The following EPYC variants were observed in gnomAD, a reference collection of about 807,000 sequenced individuals.
EPYC encodes epiphycan.
A neutral mutation model predicts 30.1 loss-of-function variants in EPYC; 28 were observed. The observed-to-expected ratio is 0.93, with a 90% CI of 0.69 to 1.28. The LOEUF is 1.28. Ranked by LOEUF, EPYC falls within the 50% of genes most tolerant of loss-of-function variation. The probability of loss-of-function intolerance (pLI) is 0.00; values close to 1 mark genes in which losing one functional copy is unlikely to be tolerated. For synonymous variants in EPYC, 144 were observed against 141.4 expected (o/e 1.02, Z -0.13); for missense variants, 382 against 383.5 (o/e 1.00, Z 0.03).
chr12:90,985,378 A>G (rs1565873837), intron 2 of EPYC, among the ~76,000 whole-genome samples: 1 of 152,110 alleles, frequency 6.6e-6, no homozygotes, highest in Non-Finnish European at 1.5e-5. Context: ...AGATAAGTTT[A>G]TTACCCAATC....
intron 2 of EPYC, among the ~76,000 whole-genome samples, chr12:91,000,995 A>T (rs1056802203): frequency 5.9e-5 from 9 of 152,178 alleles, no homozygotes; most frequent in African/African-American, 2.2e-4. Flanking sequence ...AGTGAAATAA[A>T]TCAAACAGTG....
At chr12:90,988,460 G>C (rs73371250) in intron 2 of EPYC, among the ~76,000 whole-genome samples, 2 of 152,106 alleles carry the variant, frequency 1.3e-5, no homozygotes, top group Admixed American at 1.3e-4. Context: ...GAACCATTCA[G>C]TCCAGTAAAG....
intron 2 of EPYC, among the ~76,000 whole-genome samples, chr12:90,994,588 T>C (rs1466853032): frequency 6.6e-6 from 1 of 152,054 alleles, no homozygotes; most frequent in Admixed American, 6.6e-5. Flanking sequence ...CCAAAGCCAA[T>C]AGTTTCTCCC....
At chr12:90,972,090 A>G in intron 4 of EPYC, 88 bp from the exon 5 acceptor site, 3 of 850,688 alleles carry the variant, frequency 3.5e-6, no homozygotes, top group Non-Finnish European at 5.2e-6. Flanking sequence ...TTTTGCAAAT[A>G]TAAATTTAGC....
At chr12:91,001,223 A>G (rs1433342081) in intron 2 of EPYC, among the ~76,000 whole-genome samples, 3 of 152,088 alleles carry the variant, frequency 2.0e-5, no homozygotes, top group Non-Finnish European at 4.4e-5. Context: ...TCATAAGGCA[A>G]CATAAACAAT....
chr12:90,981,444 A>G (rs1042174248), intron 2 of EPYC, among the ~76,000 whole-genome samples: 17 of 152,312 alleles, frequency 1.1e-4, no homozygotes, highest in African/African-American at 4.1e-4. Context: ...ATTATTAAAA[A>G]TATGACAAAA....
At position 91,004,184 on chromosome 12, in the gene EPYC, T is replaced by C. The variant is rs79428848; in HGVS notation, c.-14+763A>G. Among the ~76,000 whole-genome samples, 3 of 152,120 alleles carry C rather than the reference T, an allele frequency of 2.0e-5. No homozygotes were observed. The East Asian group carries it at 5.8e-4, about 29-fold the overall frequency. On this transcript the variant is annotated intron_variant, in intron 1 of 6. Transcript: ENST00000261172. ...AACTTAAAAAAAATTTTTCCTTATA[T>C]GTTTCTGGCAACTTCCATTATTCAA...
chr12:90,970,339 T>G (rs1249778084), intron 5 of EPYC, among the ~76,000 whole-genome samples, 200 bp from the exon 6 acceptor site: 1 of 152,144 alleles, frequency 6.6e-6, no homozygotes, highest in African/African-American at 2.4e-5. Context: ...TTTGGAAAAA[T>G]TGGCTACAAG....
At chr12:90,982,158 A>G (rs1161807437) in intron 2 of EPYC, among the ~76,000 whole-genome samples, 2 of 152,216 alleles carry the variant, frequency 1.3e-5, no homozygotes, top group East Asian at 1.9e-4. Flanking sequence ...TTCGCTCCCT[A>G]TCTGCCATCA....
chr12:90,981,285 A>G (rs1877318157), intron 2 of EPYC, among the ~76,000 whole-genome samples: 2 of 152,046 alleles, frequency 1.3e-5, no homozygotes, highest in Non-Finnish European at 2.9e-5. Flanking sequence ...CCTCAACCCA[A>G]TCTCAGGGTA....
intron 6 of EPYC, 44 bp downstream of exon 6, chr12:90,970,000 C>T (rs1300071438): frequency 5.5e-6 from 8 of 1,449,142 alleles, no homozygotes; most frequent in Admixed American, 5.1e-5. Flanking sequence ...TTTGGCTTTG[C>T]TTTCTCTGAA....
At chr12:90,970,312 A>G (rs576306908) in intron 5 of EPYC, among the ~76,000 whole-genome samples, 173 bp from the exon 6 acceptor site, 2 of 152,318 alleles carry the variant, frequency 1.3e-5, no homozygotes, top group African/African-American at 4.8e-5. Flanking sequence ...CTGAGTTACT[A>G]GACAATTCAG....
At chr12:90,983,636 A>T (rs1284073973) in intron 2 of EPYC, among the ~76,000 whole-genome samples, 1 of 152,088 alleles carries the variant, frequency 6.6e-6, no homozygotes, top group Non-Finnish European at 1.5e-5. Context: ...GAACTCTCAA[A>T]GTCACATCGC....
chr12:90,972,996 A>G lies in EPYC; in HGVS notation c.341-16T>C. ...GTTGGAAAGTCTAAAAGATAAAGGA[A>G]AATAAAATTAAATGTAAGTACCAAA... On this transcript the variant is annotated splice_polypyrimidine_tract_variant and intron_variant, in intron 3 of 6. Transcript: ENST00000261172. 6.6e-7 allele frequency: 1 copy of G among 1,513,096 alleles called. No individual in the cohort carries two copies. The highest frequency in any genetic ancestry group is 9.0e-7 in the Non-Finnish European group (1 of 1,109,006). The allele number at this position is 1,513,096 out of a possible 1,614,324, so 93.7% of individuals were successfully genotyped here.
chr12:90,998,393 A>G lies in EPYC; in HGVS notation c.165+4008T>C, dbSNP rs1877745691. 2.0e-5 allele frequency among the ~76,000 whole-genome samples: 3 copies of G among 152,130 alleles called. No homozygotes were observed. The South Asian group carries it at 6.2e-4, about 31-fold the overall frequency. On this transcript the variant is annotated intron_variant, in intron 2 of 6. Transcript: ENST00000261172. ...ATTGTTGGGTCTAAAACTTGCTTCT[A>G]ATATAGAAAACAATGGATCATAGAT...
rs141797797 is a variant in EPYC, at chr12:91,002,965, G to A, written c.-13-387C>T. Among the ~76,000 whole-genome samples, 644 of 152,168 alleles carry A rather than the reference G, an allele frequency of 4.2e-3. 4 individuals carry two copies. The highest frequency in any genetic ancestry group is 0.014 in the African/African-American group (602 of 41,532). Reference sequence around the variant, plus strand: ...AGATGATAAGGATAATGATGATGACGGTGATGATGACTGCAACTGTCATAC... The same window carrying A: ...AGATGATAAGGATAATGATGATGACAGTGATGATGACTGCAACTGTCATAC... On this transcript the variant is annotated intron_variant, in intron 1 of 6. Coordinates refer to ENST00000261172, the MANE Select transcript of EPYC (RefSeq NM_004950.5).
At position 90,971,959 on chromosome 12, in the gene EPYC, C is replaced by G; in HGVS notation, c.543G>C (p.Glu181Asp). ...RIDLTSNLIS[E>D]IDEDAFRKLP... ...GTTTTCGGAATGCATCTTCATCAAT[C>G]TCAGATATTAAATTTGATGTCAGAT... The change falls in exon 5 of 7, where the codon GAG (glutamate) becomes GAC (aspartate). Residue 181 changes from glutamate to aspartate, a missense_variant. Glu to Asp is a conservative substitution (Grantham distance 45). Coordinates refer to ENST00000261172, the MANE Select transcript of EPYC (RefSeq NM_004950.5). The G allele has an allele frequency of 6.2e-7, 1 of 1,606,902 alleles. No homozygotes were observed. The highest frequency in any genetic ancestry group is 8.5e-7 in the Non-Finnish European group (1 of 1,176,388).
chr12:90,973,387 A>G (rs1877102380), intron 3 of EPYC, among the ~76,000 whole-genome samples: 1 of 152,198 alleles, frequency 6.6e-6, no homozygotes, highest in South Asian at 2.1e-4. Flanking sequence ...TCAGTTGCTC[A>G]ATACATATTA....
chr12:90,992,656 T>C (rs1173730847), intron 2 of EPYC, among the ~76,000 whole-genome samples: 4 of 152,144 alleles, frequency 2.6e-5, no homozygotes, highest in African/African-American at 9.7e-5. Flanking sequence ...CACCATTGCA[T>C]ATTTACAAAC....
Sources: gnomAD v4.1 joint callset for allele counts (sites outside exome capture counted in the v4.1 genomes callset) on GRCh38, gnomAD v4.1.1 for gene constraint, MANE v1.5 for transcripts, NCBI Gene and HGNC (gene_info 2026-07-23, HGNC 2026-07-21) for gene names.